The following LRRC37A2 variants were observed in gnomAD, a reference collection of about 807,000 sequenced individuals.
LRRC37A2 encodes leucine rich repeat containing 37 member A2.
Under a neutral mutation model 68.8 loss-of-function variants are expected in LRRC37A2, and 9 were observed. The observed-to-expected ratio is 0.13, with a 90% CI of 0.08 to 0.23. The LOEUF (loss-of-function observed/expected upper bound fraction) is 0.23, where lower values mean the gene tolerates loss of function less well. LRRC37A2 is among the 10% of genes least tolerant of loss of function. The pLI, the probability that LRRC37A2 is intolerant of heterozygous loss-of-function variation, is 1.00. For missense variants in LRRC37A2, 168 were observed against 950.4 expected, an observed-to-expected ratio of 0.18 and a Z score of 10.82; for synonymous variants, 63 against 367.6, an observed-to-expected ratio of 0.17 and a Z score of 9.48.
the LRRC37A2 span, chr17:46,935,980 AG>A: frequency 3.0e-6 from 3 of 985,898 alleles, no homozygotes; most frequent in Non-Finnish European, 3.6e-6. Flanking sequence ...GCTTTATCTT[AG>A]TTTTTGTTGG....
the LRRC37A2 span, among the ~76,000 whole-genome samples, chr17:46,495,657 C>T: frequency 6.6e-6 from 1 of 150,788 alleles, no homozygotes; most frequent in South Asian, 2.1e-4. Context: ...AGTGATGGGA[C>T]TACAGGCATG....
At chr17:46,845,844 G>A in the LRRC37A2 span, among the ~76,000 whole-genome samples, 1 of 143,036 alleles carries the variant, frequency 7.0e-6, no homozygotes, top group East Asian at 2.0e-4. Context: ...AGGCTAGAGT[G>A]CAGTGGTGTG....
the LRRC37A2 span, among the ~76,000 whole-genome samples, chr17:46,406,166 G>T: frequency 8.0e-5 from 4 of 50,294 alleles, no homozygotes; most frequent in African/African-American, 3.3e-4. Context: ...TATTAGTCAA[G>T]ATTCTTTGGA....
At chr17:46,914,465 A>G in the LRRC37A2 span, among the ~76,000 whole-genome samples, 1 of 151,984 alleles carries the variant, frequency 6.6e-6, no homozygotes. Flanking sequence ...CCTGACCAAC[A>G]TGGTGCAACC....
At chr17:46,941,321 A>C in the LRRC37A2 span, 1 of 985,368 alleles carries the variant, frequency 1.0e-6, no homozygotes, top group African/African-American at 1.7e-5. Context: ...TTGTTTTGGA[A>C]GCACATCAGC....
chr17:46,969,505 A>G, the LRRC37A2 span, among the ~76,000 whole-genome samples: 1 of 152,172 alleles, frequency 6.6e-6, no homozygotes, highest in East Asian at 1.9e-4. Context: ...GAGGGGCCAG[A>G]GTTGCTTTCT....
chr17:46,768,512 G>A, the LRRC37A2 span: 1 of 1,614,210 alleles, frequency 6.2e-7, no homozygotes, highest in Non-Finnish European at 8.5e-7. This position sits in a 1 kb window ranked among gnomAD's most constrained non-coding sequence, Gnocchi z 5.0. Flanking sequence ...TTGTGCCAAA[G>A]GAACCCGTCT....
the LRRC37A2 span, among the ~76,000 whole-genome samples, chr17:46,735,610 A>G: frequency 2.0e-5 from 3 of 152,132 alleles, no homozygotes; most frequent in Middle Eastern, 3.2e-3. Context: ...GTTGAGGGTC[A>G]GCTAAGATAA....
the LRRC37A2 span, among the ~76,000 whole-genome samples, chr17:47,040,352 CCCCA>C: frequency 6.6e-6 from 1 of 151,582 alleles, no homozygotes. Flanking sequence ...TTATTTCTCC[CCCCA>C]CCAAGTGTTT....
At chr17:46,957,322 A>G in the LRRC37A2 span, among the ~76,000 whole-genome samples, 1 of 152,160 alleles carries the variant, frequency 6.6e-6, no homozygotes, top group Non-Finnish European at 1.5e-5. Context: ...AAACAAAAAA[A>G]GAAACCCAGG....
the LRRC37A2 span, among the ~76,000 whole-genome samples, chr17:46,915,681 G>A: frequency 5.3e-5 from 8 of 152,316 alleles, no homozygotes; most frequent in South Asian, 1.7e-3. Context: ...TTCAGTGGCT[G>A]GGATCATCCC....
chr17:46,952,157 C>T, the LRRC37A2 span, among the ~76,000 whole-genome samples: 8 of 152,168 alleles, frequency 5.3e-5, no homozygotes, highest in Non-Finnish European at 1.2e-4. Flanking sequence ...CCCAGCATCT[C>T]GTCTTTGGAC....
At chr17:46,551,009 G>A in intron 11 of LRRC37A2, among the ~76,000 whole-genome samples, 1 of 149,844 alleles carries the variant, frequency 6.7e-6, no homozygotes, top group East Asian at 1.9e-4. Context: ...TGTCTAAATA[G>A]GTCCAGTTAA....
the LRRC37A2 span, among the ~76,000 whole-genome samples, chr17:46,732,871 TCAGCAG>T: frequency 6.6e-6 from 1 of 152,190 alleles, no homozygotes; most frequent in African/African-American, 2.4e-5. Context: ...CTCTGAGAAC[TCAGCAG>T]CAGCAGCTAA....
At chr17:46,740,462 C>T in the LRRC37A2 span, among the ~76,000 whole-genome samples, 1 of 152,122 alleles carries the variant, frequency 6.6e-6, no homozygotes, top group East Asian at 1.9e-4. Flanking sequence ...GATTAGAACA[C>T]AGGGGTCAAT....
chr17:46,729,600 A>T, the LRRC37A2 span, among the ~76,000 whole-genome samples: 1 of 152,180 alleles, frequency 6.6e-6, no homozygotes, highest in Non-Finnish European at 1.5e-5. Flanking sequence ...GTCACAAGAC[A>T]TGAGTTCTCT....
intron 6 of LRRC37A2, among the ~76,000 whole-genome samples, chr17:46,533,566 A>G (rs1243157370): frequency 7.7e-6 from 1 of 129,998 alleles, no homozygotes; most frequent in East Asian, 2.2e-4. Context: ...CAGTGGCACA[A>G]TCTTTACTCG....
chr17:46,709,536 C>A, the LRRC37A2 span, among the ~76,000 whole-genome samples: 1 of 151,670 alleles, frequency 6.6e-6, no homozygotes, highest in Non-Finnish European at 1.5e-5. Flanking sequence ...GCTGTGTCTC[C>A]CAGGCTGGAG....
At chr17:46,839,932 CT>C in the LRRC37A2 span, among the ~76,000 whole-genome samples, 1 of 138,288 alleles carries the variant, frequency 7.2e-6, no homozygotes, top group African/African-American at 2.6e-5. Context: ...TTCTTTCTTT[CT>C]TTCTTTCTTT....
Sources: allele counts gnomAD v4.1 joint callset (sites outside exome capture counted in the v4.1 genomes callset), GRCh38; gene constraint gnomAD v4.1.1; non-coding constraint Gnocchi (gnomAD v3.1); transcripts MANE v1.5; gene names NCBI Gene and HGNC (gene_info 2026-07-23, HGNC 2026-07-21).